The following GPR139 variants were observed in gnomAD, a reference collection of about 807,000 sequenced individuals.
GPR139 encodes probable G protein-coupled receptor 139.
Under a neutral mutation model 25.8 loss-of-function variants are expected in GPR139, and 12 were observed. That is an observed-to-expected ratio of 0.47 (90% CI 0.30 to 0.75). The LOEUF is 0.75. Among genes scored for constraint, GPR139 ranks in the 30% least tolerant of loss-of-function variants. The pLI, the probability that GPR139 is intolerant of heterozygous loss-of-function variation, is 0.07. For missense variants in GPR139, 380 were observed against 450.2 expected (o/e 0.84, Z 1.41); for synonymous variants, 184 against 179.9 (o/e 1.02, Z -0.18).
Position 20,032,204 on chromosome 16 carries a change from A to T in GPR139, c.593T>A (p.Ile198Asn), listed in dbSNP as rs753297345. 6.2e-7 allele frequency: 1 copy of T among 1,614,196 alleles called. No individual in the cohort carries two copies. The highest frequency in any genetic ancestry group is 8.5e-7 in the Non-Finnish European group (1 of 1,180,034). Residue 198 changes from isoleucine to asparagine, a missense_variant, in exon 2 of 2, where the codon ATC becomes AAC. Ile to Asn is a moderately radical substitution (Grantham distance 149). Coordinates refer to ENST00000570682, the MANE Select transcript of GPR139 (RefSeq NM_001002911.4). ...CFTVYLVPCS[I>N]FFILNSIIVY... ...AATGATTGAGTTCAAGATGAAGAAGATGGAGCAGGGCACCAGGTAGACGGT... is the reference window on the plus strand; with the variant it reads ...AATGATTGAGTTCAAGATGAAGAAGTTGGAGCAGGGCACCAGGTAGACGGT...
chr16:20,070,095 G>A (rs115548905), intron 1 of GPR139, among the ~76,000 whole-genome samples: 3,875 of 152,278 alleles, frequency 0.025, 166 homozygotes, highest in African/African-American at 0.089. Context: ...CAACAAAATT[G>A]CACTGTTTGC....
chr16:20,064,885 G>T (rs2057425911), intron 1 of GPR139, among the ~76,000 whole-genome samples: 2 of 152,226 alleles, frequency 1.3e-5, no homozygotes, highest in East Asian at 1.9e-4. Context: ...TGGTGGATTT[G>T]TGTTTCAAGA....
At chr16:20,071,485 T>A (rs796824102) in intron 1 of GPR139, among the ~76,000 whole-genome samples, 4 of 152,366 alleles carry the variant, frequency 2.6e-5, no homozygotes, top group African/African-American at 9.6e-5. Context: ...TAGGACTTTG[T>A]GTCCTTTTGA....
rs200262959 is a variant in GPR139, at chr16:20,061,178, AATGGATGGATGG to A, written c.127+12300_127+12311del. On this transcript the variant is annotated intron_variant, in intron 1 of 1. Transcript: ENST00000570682. ...TGGTACCTAGCAATGCCAGGCCCAG[AATGGATGGATGG>A]ATGGATGGATGGATGGATGGATGGA... Among the ~76,000 whole-genome samples the A allele has an allele frequency of 5.5e-4, 77 of 140,648 alleles. 1 individual carries two copies. The highest frequency in any genetic ancestry group is 1.4e-3 in the African/African-American group (49 of 34,276). 92.3% of individuals were successfully genotyped at this position (140,648 alleles called of 152,430 possible).
In GPR139 at chr16:20,033,062, C is replaced by T. The variant is rs192051387; in HGVS notation, c.128-393G>A. Among the ~76,000 whole-genome samples, 22 of 149,756 alleles carry T rather than the reference C, an allele frequency of 1.5e-4. No individual in the cohort carries two copies. The East Asian group carries it at 4.4e-3, about 30-fold the overall frequency. ...ATTCTCCTCACACAACCGTGAGAGGCGATGCTGCCATTATCCTCATCTTAG... is the reference window on the plus strand; with the variant it reads ...ATTCTCCTCACACAACCGTGAGAGGTGATGCTGCCATTATCCTCATCTTAG... On this transcript the variant is annotated intron_variant, in intron 1 of 1. Coordinates refer to ENST00000570682, the MANE Select transcript of GPR139 (RefSeq NM_001002911.4).
chr16:20,073,481 G>A lies in GPR139; in HGVS notation c.127+9C>T, dbSNP rs71384434. 7 of 1,610,532 alleles carry A rather than the reference G, an allele frequency of 4.3e-6. No homozygotes were observed. The highest frequency in any genetic ancestry group is 5.9e-6 in the Non-Finnish European group (7 of 1,178,708). On this transcript the variant is annotated intron_variant, in intron 1 of 1. Coordinates refer to ENST00000570682, the MANE Select transcript of GPR139 (RefSeq NM_001002911.4). This position sits in a 1 kb window ranked among gnomAD's most constrained non-coding sequence, Gnocchi z 4.7. ...CCTGGCTTCCCTCCCTCTCCCCCAC[G>A]CCCCTCACCTGGTAAACCGAGGCAC...
Position 20,032,328 on chromosome 16 carries a change from A to G in GPR139, c.469T>C (p.Phe157Leu). The G allele has an allele frequency of 6.2e-7, 1 of 1,614,204 alleles. No homozygotes were observed. The highest frequency in any genetic ancestry group is 1.1e-5 in the South Asian group (1 of 91,080). Residue 157 changes from phenylalanine to leucine, a missense_variant, in exon 2 of 2, where the codon TTC (phenylalanine) becomes CTC (leucine). Physicochemically the swap from Phe to Leu is conservative, Grantham distance 22. Coordinates refer to ENST00000570682, the MANE Select transcript of GPR139 (RefSeq NM_001002911.4). The part of the protein sequence containing the change: ...KVIVSVYITC[F>L]LTSIPYYWWP... ...CAGTAATAGGGGATGCTGGTCAGGA[A>G]GCAGGTGATGTAAACACTTACAATG...
At chr16:20,048,973 C>T (rs2141207757) in intron 1 of GPR139, among the ~76,000 whole-genome samples, 1 of 152,324 alleles carries the variant, frequency 6.6e-6, no homozygotes, top group African/African-American at 2.4e-5. Flanking sequence ...ACCCACAATC[C>T]TTTGCCTAGA....
At chr16:20,054,254 G>A (rs979878334) in intron 1 of GPR139, among the ~76,000 whole-genome samples, 12 of 152,152 alleles carry the variant, frequency 7.9e-5, no homozygotes, top group African/African-American at 2.9e-4. Flanking sequence ...AACTCAGTAT[G>A]TGTTCCTTAT....
chr16:20,039,617 G>A (rs2057323344), intron 1 of GPR139, among the ~76,000 whole-genome samples: 2 of 152,128 alleles, frequency 1.3e-5, no homozygotes, highest in South Asian at 4.2e-4. Context: ...TGTGTAGTGG[G>A]TACCACGATT....
chr16:20,051,828 C>A (rs1171671655), intron 1 of GPR139, among the ~76,000 whole-genome samples: 1 of 152,148 alleles, frequency 6.6e-6, no homozygotes, highest in Non-Finnish European at 1.5e-5. Flanking sequence ...GGACACGTGC[C>A]TGCGTGTCAC....
intron 1 of GPR139, among the ~76,000 whole-genome samples, chr16:20,055,074 A>G (rs2057384335): frequency 6.6e-6 from 1 of 151,364 alleles, no homozygotes; most frequent in Non-Finnish European, 1.5e-5. Context: ...TCTATCAGTT[A>G]TTTTTTTTCT....
chr16:20,050,573 C>T (rs937416117), intron 1 of GPR139, among the ~76,000 whole-genome samples: 4 of 152,176 alleles, frequency 2.6e-5, no homozygotes, highest in East Asian at 1.9e-4. Flanking sequence ...CACATCCCCA[C>T]GAGGCTTCTC....
At chr16:20,035,197 CT>C (rs76242201) in intron 1 of GPR139, among the ~76,000 whole-genome samples, 27,992 of 151,958 alleles carry the variant, frequency 0.18, 3,347 homozygotes, top group East Asian at 0.35. Flanking sequence ...GTCCAAATCA[CT>C]TTGAAATAAC....
At chr16:20,048,578 C>T (rs1005333091) in intron 1 of GPR139, among the ~76,000 whole-genome samples, 6 of 152,210 alleles carry the variant, frequency 3.9e-5, no homozygotes, top group South Asian at 4.1e-4. Flanking sequence ...TGGGCACTTC[C>T]GGTGAGCAGG....
chr16:20,039,530 T>C (rs1330905584), intron 1 of GPR139, among the ~76,000 whole-genome samples: 2 of 152,232 alleles, frequency 1.3e-5, no homozygotes, highest in Non-Finnish European at 2.9e-5. Flanking sequence ...TTGTCTACTT[T>C]TATTGTGTAT....
rs926867456 is a variant in GPR139 at position 20,073,694 on chromosome 16, G to C, written c.-78C>G. ...TCTGGTCGCCGGCTCGGTGGTGGCG[G>C]CGGCGGAGGCAGCGGCAGCTGGAGC... is the stretch of plus-strand genomic sequence containing the variant. On this transcript the variant is annotated 5_prime_UTR_variant, in exon 1 of 2. Transcript: ENST00000570682. This position sits in a 1 kb window ranked among gnomAD's most constrained non-coding sequence, Gnocchi z 4.7. 6.8e-7 allele frequency: 1 copy of C among 1,466,864 alleles called. No homozygotes were observed. The highest frequency in any genetic ancestry group is 9.0e-7 in the Non-Finnish European group (1 of 1,110,432). 90.9% of individuals were successfully genotyped at this position (1,466,864 alleles called of 1,614,324 possible). A position where few individuals can be genotyped will look rare whatever the true frequency, so the allele number is the denominator to read the frequency against.
rs1485669021 is a variant in GPR139 at position 20,029,192 on chromosome 16, A to G, written c.*2543T>C. Among the ~76,000 whole-genome samples, 2 of 152,120 alleles carry G rather than the reference A, an allele frequency of 1.3e-5. No homozygotes were observed. The highest frequency in any genetic ancestry group is 2.9e-5 in the Non-Finnish European group (2 of 68,032). ...CAAAATATAAAATATATTCGGAGGA[A>G]AAGAGATCACAATACCACGTGGTAG... On this transcript the variant is annotated 3_prime_UTR_variant, in exon 2 of 2. Coordinates refer to ENST00000570682, the MANE Select transcript of GPR139 (RefSeq NM_001002911.4).
At chr16:20,057,400 G>C (rs138216031) in intron 1 of GPR139, among the ~76,000 whole-genome samples, 2 of 152,296 alleles carry the variant, frequency 1.3e-5, no homozygotes, top group African/African-American at 4.8e-5. Context: ...TGGTGGTGAT[G>C]ATGGTGATGA....
Sources: gnomAD v4.1 joint callset for allele counts (sites outside exome capture counted in the v4.1 genomes callset) on GRCh38, gnomAD v4.1.1 for gene constraint, Gnocchi (gnomAD v3.1) non-coding constraint, MANE v1.5 for transcripts, NCBI Gene and HGNC (gene_info 2026-07-23, HGNC 2026-07-21) for gene names.